PER2: variants seen among roughly 807,000 people sequenced by gnomAD.
PER2 encodes period circadian protein homolog 2.
Under a neutral mutation model 121.0 loss-of-function variants are expected in PER2, and 66 were observed. The observed-to-expected ratio is 0.55, with a 90% confidence interval of 0.45 to 0.67. PER2 has a LOEUF of 0.67. Among genes scored for constraint, PER2 ranks in the 30% least tolerant of loss-of-function variants. PER2 has a pLI of 0.00. For synonymous variants in PER2, 684 were observed against 659.9 expected, an observed-to-expected ratio of 1.04 and a Z score of -0.56; for missense variants, 1,521 against 1,635.0, an observed-to-expected ratio of 0.93 and a Z score of 1.20.
rs760600813 is a variant in PER2 at position 238,260,891 on chromosome 2, G to A, written c.1479C>T (p.His493=). 6.2e-7 allele frequency: 1 copy of A among 1,613,898 alleles called. No homozygotes were observed. Among genetic ancestry groups the A allele is most frequent in the South Asian group, 1.1e-5 (1 of 91,088 alleles). The change falls in exon 13 of 23, where the codon CAC becomes CAT. Residue 493 remains histidine (H), a synonymous_variant. Transcript: ENST00000254657. The part of the protein sequence containing the change: ...GSLGSNGSHE[H]LMSQTSSSDS... Reference sequence around the variant, plus strand: ...CGCTGGAGGAGGTCTGGCTCATAAGGTGCTCGTGGGACCCGTTGCTGCCCA... The same window carrying A: ...CGCTGGAGGAGGTCTGGCTCATAAGATGCTCGTGGGACCCGTTGCTGCCCA...
Position 238,262,290 on chromosome 2 carries a change from C to T in PER2, c.1208G>A (p.Arg403Gln), listed in dbSNP as rs140821434. The T allele has an allele frequency of 2.8e-5, 45 of 1,613,906 alleles. No individual in the cohort carries two copies. In the African/African-American group the frequency reaches 3.9e-4, roughly 14 times the overall value. The change falls in exon 11 of 23, where the codon CGG becomes CAG. Residue 403 changes from arginine (R) to glutamine (Q), a missense_variant. Physicochemically the swap from Arg to Gln is conservative, Grantham distance 43. Transcript: ENST00000254657. The stretch of plus-strand genomic sequence containing the variant: ...GTCCAACGTGATGTACTCTCCGTTC[C>T]GGGCGCGAAACCGAATGGGAGAATA... ...FDYSPIRFRARNGEYITLDTS... is the reference protein window; with the variant it reads ...FDYSPIRFRAQNGEYITLDTS...
At chr2:238,295,288 CTTCTTTCTCCTT>C in the PER2 span, 1 of 137,204 alleles carries the variant, frequency 7.3e-6, no homozygotes, top group African/African-American at 2.6e-5. Context: ...CCTTCTTCTT[CTTCTTTCTCCTT>C]CTCCTTCTCC....
At position 238,245,419 on chromosome 2, in the gene PER2, G is replaced by C; in HGVS notation, c.*956C>G. 1 of 396,584 alleles carries C rather than the reference G, an allele frequency of 2.5e-6. No homozygotes were observed. Among genetic ancestry groups the C allele is most frequent in the Non-Finnish European group, 4.4e-6 (1 of 225,202 alleles). 24.6% of individuals were successfully genotyped at this position (396,584 alleles called of 1,614,324 possible). On this transcript the variant is annotated 3_prime_UTR_variant, in exon 23 of 23. Coordinates refer to ENST00000254657, the MANE Select transcript of PER2 (RefSeq NM_022817.3). Reference sequence around the variant, plus strand: ...ATACAGATGCAGTCGCAAGCTGTCAGACTGAGTGGCAGTGGCTGCTCTCGG... The same window carrying C: ...ATACAGATGCAGTCGCAAGCTGTCACACTGAGTGGCAGTGGCTGCTCTCGG...
At chr2:238,256,548 G>A (rs1300239259) in intron 17 of PER2, among the ~76,000 whole-genome samples, 2 of 152,212 alleles carry the variant, frequency 1.3e-5, no homozygotes, top group African/African-American at 2.4e-5. Flanking sequence ...GCTAACGGTC[G>A]CACCTTCTGC....
chr2:238,256,280 G>A (rs569755911), intron 17 of PER2, among the ~76,000 whole-genome samples: 1 of 152,334 alleles, frequency 6.6e-6, no homozygotes, highest in East Asian at 1.9e-4. Context: ...CAGGCATGGT[G>A]ATAGATGGGA....
At chr2:238,251,456 G>A in intron 20 of PER2, 143 bp downstream of exon 20, 1 of 746,212 alleles carries the variant, frequency 1.3e-6, no homozygotes, top group South Asian at 1.4e-5. Flanking sequence ...GTGTGTCTGT[G>A]TGGGTGTCTG....
chr2:238,249,275 T>C (rs1695535373), intron 21 of PER2, 63 bp from the exon 22 acceptor site: 1 of 1,500,256 alleles, frequency 6.7e-7, no homozygotes, highest in East Asian at 2.3e-5. Context: ...ATTTTTATTC[T>C]TTCAGAATAA....
At chr2:238,280,261 G>A (rs997840727) in intron 1 of PER2, among the ~76,000 whole-genome samples, 2 of 152,154 alleles carry the variant, frequency 1.3e-5, no homozygotes, top group Non-Finnish European at 2.9e-5. Context: ...GAGCCCATTC[G>A]CCGGTGAGCC....
At chr2:238,262,490 C>G in intron 10 of PER2, 146 bp from the exon 11 acceptor site, 2 of 741,916 alleles carry the variant, frequency 2.7e-6, no homozygotes, top group Non-Finnish European at 4.5e-6. Context: ...TGCTTTCAAC[C>G]TCCTGTTTTT....
chr2:238,255,942 A>G, intron 17 of PER2, 31 bp from the exon 18 acceptor site: 1 of 1,613,828 alleles, frequency 6.2e-7, no homozygotes, highest in South Asian at 1.1e-5. Context: ...GCTCTGGTCC[A>G]CACGTGCCCT....
At chr2:238,279,265 G>A (rs1226018205) in intron 1 of PER2, among the ~76,000 whole-genome samples, 1 of 152,220 alleles carries the variant, frequency 6.6e-6, no homozygotes, top group East Asian at 1.9e-4. Flanking sequence ...AATGAACACA[G>A]CTGTGAGGCT....
chr2:238,272,928 T>C (rs1696334336), intron 5 of PER2, 142 bp downstream of exon 5: 1 of 767,912 alleles, frequency 1.3e-6, no homozygotes, highest in Non-Finnish European at 2.3e-6. Flanking sequence ...TGACTTCACA[T>C]TCTTCCTTTT....
intron 10 of PER2, 117 bp downstream of exon 10, chr2:238,262,835 C>T (rs1408747689): frequency 2.7e-6 from 2 of 751,914 alleles, no homozygotes; most frequent in Non-Finnish European, 4.7e-6. Context: ...GCGTCTACCA[C>T]CTGCTTGTCC....
rs376844439 is a variant in PER2 at position 238,271,388 on chromosome 2, C to A, written c.696G>T (p.Ala232=). 2.5e-6 allele frequency: 4 copies of A among 1,614,192 alleles called. No individual in the cohort carries two copies. In the African/African-American group the frequency reaches 5.3e-5, roughly 22 times the overall value. The change falls in exon 6 of 23, where the codon GCG becomes GCT. Residue 232 remains alanine, a synonymous_variant. Coordinates refer to ENST00000254657, the MANE Select transcript of PER2 (RefSeq NM_022817.3). ...FSDAKFVEFL[A]PHDVGVFHSF... is the part of the protein sequence containing the mutation. ...TGTGGAACACGCCCACATCGTGAGG[C>A]GCCAGGAACTCCACAAACTTGGCAT...
chr2:238,261,447 G>T, intron 12 of PER2: 1 of 503,200 alleles, frequency 2.0e-6, no homozygotes, highest in Admixed American at 3.1e-5. Context: ...CTGGAACTAT[G>T]CAGCCTGTGT....
chr2:238,260,483 T>C (rs1020115551), intron 13 of PER2, among the ~76,000 whole-genome samples: 1 of 152,194 alleles, frequency 6.6e-6, no homozygotes, highest in Non-Finnish European at 1.5e-5. Flanking sequence ...CTTGAACTCC[T>C]GACCTTAGGT....
At position 238,244,124 on chromosome 2, in the gene PER2, T is replaced by C. The variant is rs1333643341; in HGVS notation, c.*2251A>G. On this transcript the variant is annotated 3_prime_UTR_variant, in exon 23 of 23. Transcript: ENST00000254657. The stretch of plus-strand genomic sequence containing the variant: ...AGACACAAGCAGTCAAACAAATCTA[T>C]TGCACTGGGTAAAGAAAGTTTGGTT... The C allele has an allele frequency of 6.6e-6, 1 of 152,572 alleles. No individual in the cohort carries two copies. Among genetic ancestry groups the C allele is most frequent in the African/African-American group, 2.4e-5 (1 of 41,464 alleles). The allele number at this position is 152,572 out of a possible 1,614,324, so 9.5% of individuals were successfully genotyped here. A position where few individuals can be genotyped will look rare whatever the true frequency, so the allele number is the denominator to read the frequency against.
chr2:238,294,035 G>A (rs1371136409), upstream of PER2, among the ~76,000 whole-genome samples: 2 of 152,194 alleles, frequency 1.3e-5, no homozygotes, highest in African/African-American at 4.8e-5. Context: ...TGCCCTGTCT[G>A]AGCTGATCCC....
intron 1 of PER2, among the ~76,000 whole-genome samples, chr2:238,286,948 CCT>C (rs1696807720): frequency 6.6e-6 from 1 of 152,228 alleles, no homozygotes; most frequent in African/African-American, 2.4e-5. Flanking sequence ...ATATCAGAAG[CCT>C]CTGTCTCCTG....
Sources: allele counts gnomAD v4.1 joint callset (sites outside exome capture counted in the v4.1 genomes callset), GRCh38; gene constraint gnomAD v4.1.1; transcripts MANE v1.5; gene names NCBI Gene and HGNC (gene_info 2026-07-23, HGNC 2026-07-21).